Variants in DOCK3 observed in about 807,000 individuals in gnomAD.
The protein encoded by DOCK3 is dedicator of cytokinesis protein 3.
In DOCK3, 60 loss-of-function variants were observed where a neutral mutation model predicts 265.6. The observed-to-expected ratio is 0.23, with a 90% CI of 0.18 to 0.28. DOCK3 has a LOEUF of 0.28. Ranked by LOEUF, DOCK3 falls within the 10% of genes least tolerant of loss-of-function variation. The pLI, the probability that DOCK3 is intolerant of heterozygous loss-of-function variation, is 1.00. For missense variants in DOCK3, 1,981 were observed against 2,594.3 expected, an observed-to-expected ratio of 0.76 and a Z score of 5.14; for synonymous variants, 881 against 938.0, an observed-to-expected ratio of 0.94 and a Z score of 1.11.
chr3:51,198,732 G>A (rs775373394), intron 12 of DOCK3, among the ~76,000 whole-genome samples: 1 of 152,144 alleles, frequency 6.6e-6, no homozygotes, highest in African/African-American at 2.4e-5. Context: ...TTTAGAAGGT[G>A]CACATCTAGG....
At chr3:50,844,293 A>G (rs2045979135) in intron 3 of DOCK3, among the ~76,000 whole-genome samples, 1 of 152,208 alleles carries the variant, frequency 6.6e-6, no homozygotes, top group Non-Finnish European at 1.5e-5. Flanking sequence ...ATAGCTCACT[A>G]TAGTCTCGAA....
chr3:50,915,828 A>G lies in DOCK3; in HGVS notation c.219-18153A>G, dbSNP rs185971088. Among the ~76,000 whole-genome samples the G allele has an allele frequency of 9.2e-5, 14 of 152,050 alleles. No individual in the cohort carries two copies. In the South Asian group the frequency reaches 1.5e-3, roughly 16 times the overall value. ...GTGACCAAGGTACCGTGTTTTCAAGATGAGGGTACTACCTCAGCTCTGGCC... is the reference window on the plus strand; with the variant it reads ...GTGACCAAGGTACCGTGTTTTCAAGGTGAGGGTACTACCTCAGCTCTGGCC... On this transcript the variant is annotated intron_variant, in intron 4 of 52. Coordinates refer to ENST00000266037, the MANE Select transcript of DOCK3 (RefSeq NM_004947.5).
At chr3:51,206,965 T>C (rs1331160413) in intron 12 of DOCK3, among the ~76,000 whole-genome samples, 1 of 152,176 alleles carries the variant, frequency 6.6e-6, no homozygotes, top group Non-Finnish European at 1.5e-5. Flanking sequence ...CATCTCTGGG[T>C]ACAGCCAGGT....
intron 1 of DOCK3, among the ~76,000 whole-genome samples, chr3:50,734,601 A>ATTTTT (rs1559567444): frequency 5.1e-5 from 2 of 39,486 alleles, no homozygotes; most frequent in Admixed American, 2.9e-4. Context: ...TTTTACAGTG[A>ATTTTT]GTTTTTTTTT....
intron 2 of DOCK3, among the ~76,000 whole-genome samples, chr3:50,782,484 G>A (rs999648743): frequency 4.6e-5 from 7 of 151,012 alleles, no homozygotes; most frequent in African/African-American, 1.7e-4. Context: ...TAGAGACGGG[G>A]TTTCACCTTG....
At chr3:51,012,178 G>A (rs2078978582) in intron 5 of DOCK3, among the ~76,000 whole-genome samples, 1 of 152,190 alleles carries the variant, frequency 6.6e-6, no homozygotes, top group Non-Finnish European at 1.5e-5. Flanking sequence ...TAAGTCTGCA[G>A]AGGTTTCTGC....
chr3:51,112,357 T>G (rs184957161), intron 9 of DOCK3, among the ~76,000 whole-genome samples: 16 of 152,314 alleles, frequency 1.1e-4, no homozygotes, highest in Non-Finnish European at 2.2e-4. Flanking sequence ...TATTGAATGA[T>G]TTTGTTTATG....
chr3:51,343,864 G>T (rs1343069333), intron 38 of DOCK3, among the ~76,000 whole-genome samples: 1 of 152,234 alleles, frequency 6.6e-6, no homozygotes, highest in Non-Finnish European at 1.5e-5. Flanking sequence ...ATTCTCTCCT[G>T]TAGTGAGGTG....
At chr3:51,088,734 G>T (rs1232038962) in intron 7 of DOCK3, among the ~76,000 whole-genome samples, 1 of 152,162 alleles carries the variant, frequency 6.6e-6, no homozygotes, top group Non-Finnish European at 1.5e-5. Flanking sequence ...GAGATTAAGT[G>T]ATTTGTCTGA....
chr3:51,122,070 C>T (rs1471468849), intron 9 of DOCK3, among the ~76,000 whole-genome samples: 1 of 152,194 alleles, frequency 6.6e-6, no homozygotes, highest in Admixed American at 6.5e-5. Context: ...GTTTCCCTAT[C>T]AGCAACCCCC....
intron 5 of DOCK3, among the ~76,000 whole-genome samples, chr3:51,045,434 A>G (rs934934558): frequency 2.0e-5 from 3 of 152,140 alleles, no homozygotes; most frequent in African/African-American, 7.2e-5. Context: ...AGTTCACCAT[A>G]ACAGACATAA....
intron 21 of DOCK3, among the ~76,000 whole-genome samples, chr3:51,241,070 T>G (rs1022562739): frequency 2.0e-5 from 3 of 152,218 alleles, no homozygotes; most frequent in Admixed American, 1.3e-4. Context: ...TATTGGTCTT[T>G]TCTTTGCGTA....
rs1249540854 is a variant in DOCK3 at position 51,361,671 on chromosome 3, G to A, written c.5007-188G>A. On this transcript the variant is annotated intron_variant, in intron 47 of 52. Transcript: ENST00000266037. The surrounding 1 kb of genome is among the most constrained non-coding windows in gnomAD (Gnocchi z 4.2). ...ACACCATTGTCTCTCCCAGACCAAG[G>A]GCTCCTGAGTAGCAGGGTACAGCTC... 6.6e-6 allele frequency among the ~76,000 whole-genome samples: 1 copy of A among 152,142 alleles called. No individual in the cohort carries two copies. Among genetic ancestry groups the A allele is most frequent in the East Asian group, 1.9e-4 (1 of 5,196 alleles).
At chr3:50,785,030 G>A (rs1273218733) in intron 2 of DOCK3, among the ~76,000 whole-genome samples, 1 of 152,140 alleles carries the variant, frequency 6.6e-6, no homozygotes, top group South Asian at 2.1e-4. Flanking sequence ...GGTGGTGCAC[G>A]CCTGTAATCC....
chr3:51,188,912 A>G (rs2087776001), intron 12 of DOCK3, among the ~76,000 whole-genome samples: 1 of 152,234 alleles, frequency 6.6e-6, no homozygotes, highest in African/African-American at 2.4e-5. Flanking sequence ...ATGTGAGTTC[A>G]GATATCCCTT....
intron 31 of DOCK3, 123 bp downstream of exon 31, chr3:51,313,025 C>A (rs2083176725): frequency 1.1e-6 from 1 of 882,724 alleles, no homozygotes; most frequent in South Asian, 1.6e-5. Flanking sequence ...CCTTACATAT[C>A]TTTCACATAA....
At chr3:50,751,518 G>A (rs2039806268) in intron 1 of DOCK3, among the ~76,000 whole-genome samples, 1 of 152,068 alleles carries the variant, frequency 6.6e-6, no homozygotes, top group Non-Finnish European at 1.5e-5. Flanking sequence ...CAGTTGTTGT[G>A]CAATGAATGC....
chr3:51,097,615 G>A (rs2082909468), intron 9 of DOCK3, among the ~76,000 whole-genome samples: 1 of 152,178 alleles, frequency 6.6e-6, no homozygotes, highest in East Asian at 1.9e-4. Context: ...GAGAGTGAAC[G>A]GTTCTGTCTC....
rs1270148436 is a variant in DOCK3, at chr3:50,962,255, A to C, written c.315+28178A>C. On this transcript the variant is annotated intron_variant, in intron 5 of 52. Transcript: ENST00000266037. ...CTTATGAGATGAACCACCTTTTTGC[A>C]ACAAAAGATGTAAAGGTATATTTTA... is the stretch of plus-strand genomic sequence containing the variant. Among the ~76,000 whole-genome samples, 7 of 152,218 alleles carry C rather than the reference A, an allele frequency of 4.6e-5. No individual in the cohort carries two copies. In the East Asian group the frequency reaches 1.3e-3, roughly 29 times the overall value.
Sources: allele counts gnomAD v4.1 joint callset (sites outside exome capture counted in the v4.1 genomes callset), GRCh38; gene constraint gnomAD v4.1.1; non-coding constraint Gnocchi (gnomAD v3.1); transcripts MANE v1.5; gene names NCBI Gene and HGNC (gene_info 2026-07-23, HGNC 2026-07-21).